Variants in CYB561 observed in about 807,000 individuals in gnomAD.
CYB561 encodes the protein cytochrome b561.
A neutral mutation model predicts 25.3 loss-of-function variants in CYB561; 11 were observed. The observed-to-expected ratio is 0.44, with a 90% CI of 0.27 to 0.72. The LOEUF is 0.72. Ranked by LOEUF, CYB561 falls within the 30% of genes least tolerant of loss-of-function variation. The pLI is 0.18. For synonymous variants in CYB561, 165 were observed against 158.8 expected (o/e 1.04, Z -0.29); for missense variants, 295 against 334.9 (o/e 0.88, Z 0.93).
Position 63,433,446 on chromosome 17 carries a change from G to C in CYB561, c.*956C>G, listed in dbSNP as rs1286253947. On this transcript the variant is annotated 3_prime_UTR_variant, in exon 6 of 6. Transcript: ENST00000360793. ...AAGATGGGCAGCAGATAAGGAGAAG[G>C]CTCGTCCTCCAGAACAGAGGCAGCA... The C allele has an allele frequency of 5.0e-6, 2 of 398,942 alleles. No individual in the cohort carries two copies. Among genetic ancestry groups the C allele is most frequent in the Non-Finnish European group, 8.8e-6 (2 of 226,338 alleles). The allele number at this position is 398,942 out of a possible 1,614,324, so 24.7% of individuals were successfully genotyped here.
At position 63,434,255 on chromosome 17, in the gene CYB561, C is replaced by T; in HGVS notation, c.*147G>A. ...GAAGCAGAGGAGGCGGAGACCTGAC[C>T]CCAGAAAGCAGCACTCAAACAGATG... is the stretch of plus-strand genomic sequence containing the variant. On this transcript the variant is annotated 3_prime_UTR_variant, in exon 6 of 6. Coordinates refer to ENST00000360793, the MANE Select transcript of CYB561 (RefSeq NM_001915.4). The T allele has an allele frequency of 1.5e-6, 1 of 673,816 alleles. No homozygotes were observed. The highest frequency in any genetic ancestry group is 2.5e-6 in the Non-Finnish European group (1 of 404,806). The allele number at this position is 673,816 out of a possible 1,614,324, so 41.7% of individuals were successfully genotyped here.
chr17:63,437,563 G>A lies in CYB561; in HGVS notation c.-13-3C>T, dbSNP rs763322654. On this transcript the variant is annotated splice_polypyrimidine_tract_variant and splice_region_variant and intron_variant, in intron 1 of 5. Transcript: ENST00000360793. Reference sequence around the variant, plus strand: ...CGCCCTCCATGCTGAGGCAAACGCTGCAAGAAAGAGCAGAGCTCAGAGGAG... The same window carrying A: ...CGCCCTCCATGCTGAGGCAAACGCTACAAGAAAGAGCAGAGCTCAGAGGAG... The A allele has an allele frequency of 6.2e-7, 1 of 1,601,570 alleles. No homozygotes were observed.
Position 63,443,175 on chromosome 17 carries a change from C to T in CYB561, c.-14+3070G>A, listed in dbSNP as rs546394931. ...GTGAGCTATTAGGGTACTTTCTTAG[C>T]ACCCCAGTAGCCCCAGGAAGAAGGG... is the stretch of plus-strand genomic sequence containing the variant. On this transcript the variant is annotated intron_variant, in intron 1 of 5. Coordinates refer to ENST00000360793, the MANE Select transcript of CYB561 (RefSeq NM_001915.4). Among the ~76,000 whole-genome samples the T allele has an allele frequency of 2.0e-5, 3 of 152,292 alleles. No homozygotes were observed. The East Asian group carries it at 5.8e-4, about 29-fold the overall frequency.
chr17:63,443,912 G>C (rs1188822233), intron 1 of CYB561, among the ~76,000 whole-genome samples: 1 of 152,180 alleles, frequency 6.6e-6, no homozygotes, highest in African/African-American at 2.4e-5. Flanking sequence ...AGACAGACAT[G>C]AGCCAGCCCT....
In CYB561 at chr17:63,434,469, G is replaced by T. The variant is rs375309411; in HGVS notation, c.689C>A (p.Ala230Glu). 1.8e-5 allele frequency: 29 copies of T among 1,608,394 alleles called. No individual in the cohort carries two copies. The highest frequency in any genetic ancestry group is 2.3e-5 in the Non-Finnish European group (27 of 1,177,618). ...TRADWKRPSQ[A>E]EEQALSMDFK... Reference sequence around the variant, plus strand: ...GTCCATGGAGAGGGCCTGCTCTTCCGCCTGGGAAGGCCGCTTCCAGTCGGC... The same window carrying T: ...GTCCATGGAGAGGGCCTGCTCTTCCTCCTGGGAAGGCCGCTTCCAGTCGGC... The change falls in exon 6 of 6, where the codon GCG becomes GAG. Residue 230 changes from alanine (A) to glutamate (E), a missense_variant. Physicochemically the swap from Ala to Glu is moderately radical, Grantham distance 107 (BLOSUM62 -1). Coordinates refer to ENST00000360793, the MANE Select transcript of CYB561 (RefSeq NM_001915.4).
Position 63,446,244 on chromosome 17 carries a change from C to T in CYB561, c.-14+1G>A, listed in dbSNP as rs2049422758. ...CTCCCACCCCCAGCCCGGCCTCCTA[C>T]CTTGCCTACCCGAGCGTCCCTTCAG... On this transcript the variant is annotated splice_donor_variant, in intron 1 of 5. Coordinates refer to ENST00000360793, the MANE Select transcript of CYB561 (RefSeq NM_001915.4). LOFTEE classifies it low-confidence loss of function (5UTR_SPLICE). 1 of 152,078 alleles carries T rather than the reference C, an allele frequency of 6.6e-6. No homozygotes were observed. Among genetic ancestry groups the T allele is most frequent in the South Asian group, 2.1e-4 (1 of 4,826 alleles). The allele number at this position is 152,078 out of a possible 1,614,324, so 9.4% of individuals were successfully genotyped here.
In CYB561 at chr17:63,436,008, T is replaced by C. The variant is rs967568195; in HGVS notation, c.301+46A>G. 6.2e-7 allele frequency: 1 copy of C among 1,613,462 alleles called. No individual in the cohort carries two copies. The highest frequency in any genetic ancestry group is 1.7e-5 in the Admixed American group (1 of 60,026). ...AGGTGAAGCGGCTGTTTGCCATACCTGAAGAGGCAGGCAGGTGGCGGGGAA... is the reference window on the plus strand; with the variant it reads ...AGGTGAAGCGGCTGTTTGCCATACCCGAAGAGGCAGGCAGGTGGCGGGGAA... On this transcript the variant is annotated intron_variant, in intron 3 of 5. Coordinates refer to ENST00000360793, the MANE Select transcript of CYB561 (RefSeq NM_001915.4). This position sits in a 1 kb window ranked among gnomAD's most constrained non-coding sequence, Gnocchi z 4.8.
At position 63,435,920 on chromosome 17, in the gene CYB561, G is replaced by A; in HGVS notation, c.302-129C>T. 2.5e-6 allele frequency: 4 copies of A among 1,585,086 alleles called. No individual in the cohort carries two copies. The South Asian group carries it at 3.4e-5, about 13-fold the overall frequency. On this transcript the variant is annotated intron_variant, in intron 3 of 5. Coordinates refer to ENST00000360793, the MANE Select transcript of CYB561 (RefSeq NM_001915.4). ...AGCTCGAGGGCTGCCAGCACCTAGT[G>A]GCCCTGCAGGGGATGTTTGGGGTGG... is the stretch of plus-strand genomic sequence containing the variant.
intron 4 of CYB561, 23 bp from the exon 5 acceptor site, chr17:63,435,266 T>C (rs1408508801): frequency 1.9e-6 from 3 of 1,608,768 alleles, no homozygotes; most frequent in Admixed American, 1.7e-5. Context: ...AGGAGACGGT[T>C]CCGGGACAGG....
intron 1 of CYB561, among the ~76,000 whole-genome samples, chr17:63,444,929 A>T (rs903708586): frequency 6.6e-5 from 10 of 152,150 alleles, no homozygotes; most frequent in African/African-American, 2.4e-4. Flanking sequence ...TAATCCTAGC[A>T]CTTTGGGATG....
chr17:63,436,762 C>A lies in CYB561; in HGVS notation c.202+584G>T, dbSNP rs187395112. The A allele has an allele frequency of 4.5e-4, 72 of 161,556 alleles. No individual in the cohort carries two copies. The highest frequency in any genetic ancestry group is 8.2e-5 in the Non-Finnish European group (6 of 73,068). 10.0% of individuals were successfully genotyped at this position (161,556 alleles called of 1,614,324 possible). A position where few individuals can be genotyped will look rare whatever the true frequency, so the allele number is the denominator to read the frequency against. ...CGCGTCCAGAAGAGGTGGGCAAGGC[C>A]AGGTCACGTGAGGAATGCCTCTTAG... On this transcript the variant is annotated intron_variant, in intron 2 of 5. Coordinates refer to ENST00000360793, the MANE Select transcript of CYB561 (RefSeq NM_001915.4). This position sits in a 1 kb window ranked among gnomAD's most constrained non-coding sequence, Gnocchi z 4.8.
chr17:63,442,192 C>T (rs1278525933), intron 1 of CYB561, among the ~76,000 whole-genome samples: 1 of 152,226 alleles, frequency 6.6e-6, no homozygotes, highest in Non-Finnish European at 1.5e-5. Flanking sequence ...GAGCGTGGCT[C>T]TGTGCTTTAC....
intron 4 of CYB561, 198 bp downstream of exon 4, chr17:63,435,490 C>T: frequency 1.5e-6 from 1 of 685,614 alleles, no homozygotes. Context: ...GCTGAGTCAG[C>T]CATGGGGCGC....
chr17:63,435,649 G>A (rs2049289553), intron 4 of CYB561, 39 bp downstream of exon 4: 4 of 1,534,678 alleles, frequency 2.6e-6, no homozygotes, highest in South Asian at 1.1e-5. Flanking sequence ...CCACCTCCCT[G>A]GTAGGTGGCC....
chr17:63,442,065 G>A (rs1193256484), intron 1 of CYB561, among the ~76,000 whole-genome samples: 6 of 152,346 alleles, frequency 3.9e-5, no homozygotes, highest in African/African-American at 1.2e-4. Flanking sequence ...GATGAACAGC[G>A]GCCTCTGGAA....
chr17:63,434,351 C>T lies in CYB561; in HGVS notation c.*51G>A. On this transcript the variant is annotated 3_prime_UTR_variant, in exon 6 of 6. Transcript: ENST00000360793. ...GCCTGCAGTCCTGAAGACGCCTCAG[C>T]AGGGGCAGGCAAGAAGACACCCCGC... 6.8e-7 allele frequency: 1 copy of T among 1,472,976 alleles called. No homozygotes were observed. The allele number at this position is 1,472,976 out of a possible 1,614,324, so 91.2% of individuals were successfully genotyped here.
At chr17:63,438,449 C>T in intron 1 of CYB561, 1 of 515,908 alleles carries the variant, frequency 1.9e-6, no homozygotes. Flanking sequence ...GCCCCGCTCC[C>T]CCCACGCCCC....
chr17:63,438,605 G>A (rs1224594403), intron 1 of CYB561, among the ~76,000 whole-genome samples: 1 of 152,188 alleles, frequency 6.6e-6, no homozygotes, highest in Non-Finnish European at 1.5e-5. Context: ...ACTCTAGAGG[G>A]GCCCTCAGGG....
chr17:63,444,224 C>T (rs1036520058), intron 1 of CYB561, among the ~76,000 whole-genome samples: 1 of 152,118 alleles, frequency 6.6e-6, no homozygotes, highest in Non-Finnish European at 1.5e-5. Context: ...TTATGGAAGA[C>T]GGGGCCCGTG....
Sources: allele counts gnomAD v4.1 joint callset (sites outside exome capture counted in the v4.1 genomes callset), GRCh38; gene constraint gnomAD v4.1.1; non-coding constraint Gnocchi (gnomAD v3.1); transcripts MANE v1.5; gene names NCBI Gene and HGNC (gene_info 2026-07-23, HGNC 2026-07-21).